HS3ST3A1: variants seen among roughly 807,000 people sequenced by gnomAD.
HS3ST3A1 encodes the protein heparan sulfate-glucosamine 3-sulfotransferase 3A1, also known as heparan sulfate glucosamine 3-O-sulfotransferase 3A1.
A neutral mutation model predicts 25.7 loss-of-function variants in HS3ST3A1; 19 were observed. The ratio of observed to expected loss-of-function variants is 0.74; its 90% CI spans 0.52 to 1.08. HS3ST3A1 has a LOEUF of 1.08. HS3ST3A1 is among the 50% of genes least tolerant of loss of function. The probability of loss-of-function intolerance (pLI) is 0.00; values close to 1 mark genes in which losing one functional copy is unlikely to be tolerated. For synonymous variants in HS3ST3A1, 226 were observed against 278.6 expected, an observed-to-expected ratio of 0.81 and a Z score of 1.88; for missense variants, 459 against 594.3, an observed-to-expected ratio of 0.77 and a Z score of 2.37.
chr17:13,525,152 A>G (rs930315295), intron 1 of HS3ST3A1, among the ~76,000 whole-genome samples: 3 of 152,080 alleles, frequency 2.0e-5, no homozygotes, highest in Non-Finnish European at 2.9e-5. Context: ...AACTTATTTC[A>G]TATTGTTTTA....
intron 1 of HS3ST3A1, among the ~76,000 whole-genome samples, chr17:13,582,620 G>A (rs1015513052): frequency 2.6e-5 from 4 of 152,174 alleles, no homozygotes; most frequent in South Asian, 4.1e-4. Context: ...TCAAGGAGTT[G>A]CACGTGAAAT....
intron 1 of HS3ST3A1, among the ~76,000 whole-genome samples, chr17:13,522,038 TG>T (rs763570032): frequency 6.6e-6 from 1 of 152,186 alleles, no homozygotes; most frequent in Non-Finnish European, 1.5e-5. Context: ...GGGGCAAAAC[TG>T]TCCTCTGATG....
intron 1 of HS3ST3A1, among the ~76,000 whole-genome samples, chr17:13,548,539 ACCGTCTCTAAT>A (rs1907149825): frequency 6.6e-6 from 1 of 152,234 alleles, no homozygotes; most frequent in African/African-American, 2.4e-5. Context: ...AGATTAACAA[ACCGTCTCTAAT>A]CCTATCCCCC....
chr17:13,561,844 G>C (rs537029602), intron 1 of HS3ST3A1, among the ~76,000 whole-genome samples: 1 of 152,110 alleles, frequency 6.6e-6, no homozygotes, highest in Non-Finnish European at 1.5e-5. Context: ...AATTGTGCCA[G>C]TGCCAATGTC....
chr17:13,546,453 A>C (rs1181368681), intron 1 of HS3ST3A1, among the ~76,000 whole-genome samples: 1 of 152,096 alleles, frequency 6.6e-6, no homozygotes, highest in Non-Finnish European at 1.5e-5. Flanking sequence ...TTTTTAGTAG[A>C]GACAGGGTTT....
Position 13,496,921 on chromosome 17 carries a change from C to T in HS3ST3A1, c.600-103G>A, listed in dbSNP as rs879228900. ...AGCCAGGCCGCAATTCCAGCCCCCG[C>T]AACCCCCCACTTGCTAGACATCTGA... On this transcript the variant is annotated intron_variant, in intron 1 of 1. Coordinates refer to ENST00000284110, the MANE Select transcript of HS3ST3A1 (RefSeq NM_006042.3). The T allele has an allele frequency of 8.1e-6, 12 of 1,474,636 alleles. No individual in the cohort carries two copies. In the South Asian group the frequency reaches 1.2e-4, roughly 15 times the overall value. 91.3% of individuals were successfully genotyped at this position (1,474,636 alleles called of 1,614,324 possible). A position where few individuals can be genotyped will look rare whatever the true frequency, so the allele number is the denominator to read the frequency against.
Position 13,504,311 on chromosome 17 carries a change from C to T in HS3ST3A1, c.600-7493G>A, listed in dbSNP as rs187404323. Among the ~76,000 whole-genome samples, 536 of 79,874 alleles carry T rather than the reference C, an allele frequency of 6.7e-3. 4 individuals carry two copies. The highest frequency in any genetic ancestry group is 0.026 in the African/African-American group (516 of 19,822). The allele number at this position is 79,874 out of a possible 152,430, so 52.4% of individuals were successfully genotyped here. ...CAGTCTGGGCGACAGAGCGAGACTC[C>T]ATCTCAAACAAACAAACAAAAAACC... On this transcript the variant is annotated intron_variant, in intron 1 of 1. Transcript: ENST00000284110.
intron 1 of HS3ST3A1, among the ~76,000 whole-genome samples, chr17:13,539,498 A>G (rs988952227): frequency 2.0e-5 from 3 of 152,164 alleles, no homozygotes; most frequent in African/African-American, 4.8e-5. Context: ...CAGGTTAGAG[A>G]CATTGGCAAA....
intron 1 of HS3ST3A1, among the ~76,000 whole-genome samples, chr17:13,557,632 G>A (rs1907417457): frequency 6.6e-6 from 1 of 152,156 alleles, no homozygotes. Flanking sequence ...CAGGAAAAAA[G>A]GACAGGTGAA....
intron 1 of HS3ST3A1, among the ~76,000 whole-genome samples, chr17:13,559,531 CTT>C (rs1373629907): frequency 6.8e-6 from 1 of 147,970 alleles, no homozygotes; most frequent in Non-Finnish European, 1.5e-5. Flanking sequence ...TAGATATAAT[CTT>C]ATATTTTATG....
chr17:13,521,446 T>C (rs983972643), intron 1 of HS3ST3A1, among the ~76,000 whole-genome samples: 24 of 152,198 alleles, frequency 1.6e-4, no homozygotes, highest in African/African-American at 5.1e-4. Context: ...TGAGTGCTGT[T>C]GAGTTTCAAT....
intron 1 of HS3ST3A1, among the ~76,000 whole-genome samples, chr17:13,580,571 A>G (rs1031477929): frequency 1.3e-5 from 2 of 152,208 alleles, no homozygotes; most frequent in Non-Finnish European, 2.9e-5. Context: ...ATCCAGCTTA[A>G]AGCCAGATTT....
chr17:13,541,605 G>A (rs1341039546), intron 1 of HS3ST3A1, among the ~76,000 whole-genome samples: 1 of 152,176 alleles, frequency 6.6e-6, no homozygotes, highest in African/African-American at 2.4e-5. Flanking sequence ...CAGTACTGCT[G>A]AAGAGTCAGT....
chr17:13,547,965 C>CAAAA (rs1907134619), intron 1 of HS3ST3A1, among the ~76,000 whole-genome samples: 2 of 149,578 alleles, frequency 1.3e-5, no homozygotes, highest in South Asian at 4.2e-4. Context: ...AAAAAAAAAC[C>CAAAA]ACACGTTTGG....
chr17:13,502,351 G>A (rs899678011), intron 1 of HS3ST3A1, among the ~76,000 whole-genome samples: 8 of 152,134 alleles, frequency 5.3e-5, no homozygotes, highest in South Asian at 2.1e-4. Context: ...GTGCCTTAAC[G>A]ATGGTCCAAG....
chr17:13,553,273 C>T (rs1284612886), intron 1 of HS3ST3A1, among the ~76,000 whole-genome samples: 1 of 152,196 alleles, frequency 6.6e-6, no homozygotes, highest in Non-Finnish European at 1.5e-5. Flanking sequence ...ACAGGAAGCG[C>T]TGATGCCCCA....
chr17:13,566,989 C>T (rs558760155), intron 1 of HS3ST3A1, among the ~76,000 whole-genome samples: 3 of 152,138 alleles, frequency 2.0e-5, no homozygotes, highest in Non-Finnish European at 2.9e-5. Flanking sequence ...ATGTAGACAA[C>T]GTGGAAGATA....
intron 1 of HS3ST3A1, among the ~76,000 whole-genome samples, chr17:13,569,101 G>T (rs926551672): frequency 3.9e-5 from 6 of 152,116 alleles, no homozygotes; most frequent in African/African-American, 1.4e-4. Context: ...TTATGTATAG[G>T]CATGGTTTTG....
intron 1 of HS3ST3A1, among the ~76,000 whole-genome samples, chr17:13,536,015 T>C (rs1449154184): frequency 6.6e-6 from 1 of 152,190 alleles, no homozygotes; most frequent in Non-Finnish European, 1.5e-5. Flanking sequence ...AGAACCACAG[T>C]TACTAATCTT....
Sources: allele counts gnomAD v4.1 joint callset (sites outside exome capture counted in the v4.1 genomes callset), GRCh38; gene constraint gnomAD v4.1.1; transcripts MANE v1.5; gene names NCBI Gene and HGNC (gene_info 2026-07-23, HGNC 2026-07-21).